PARVA: variants seen among roughly 807,000 people sequenced by gnomAD.
PARVA encodes the protein alpha-parvin.
A neutral mutation model predicts 52.6 loss-of-function variants in PARVA; 25 were observed. The ratio of observed to expected loss-of-function variants is 0.48; its 90% CI spans 0.35 to 0.66. The LOEUF (loss-of-function observed/expected upper bound fraction) is 0.66. Among genes scored for constraint, PARVA ranks in the 30% least tolerant of loss-of-function variants. The probability of loss-of-function intolerance (pLI) is 0.01; values close to 1 mark genes in which losing one functional copy is unlikely to be tolerated. For missense variants in PARVA, 373 were observed against 450.9 expected, an observed-to-expected ratio of 0.83 and a Z score of 1.56; for synonymous variants, 185 against 179.1, an observed-to-expected ratio of 1.03 and a Z score of -0.26.
intron 8 of PARVA, among the ~76,000 whole-genome samples, chr11:12,512,210 G>A (rs1941511394): frequency 6.6e-6 from 1 of 152,158 alleles, no homozygotes; most frequent in African/African-American, 2.4e-5. Context: ...TGCTCTAATT[G>A]TCTCGTGGAA....
intron 1 of PARVA, chr11:12,453,068 G>A (rs751922594): frequency 2.2e-6 from 1 of 455,506 alleles, no homozygotes; most frequent in South Asian, 1.6e-5. Flanking sequence ...ACGTGCTGTG[G>A]TGGGAGCGAT....
intron 5 of PARVA, among the ~76,000 whole-genome samples, chr11:12,502,036 T>C (rs986439479): frequency 6.6e-6 from 1 of 152,198 alleles, no homozygotes; most frequent in African/African-American, 2.4e-5. Flanking sequence ...CCTCTGATGG[T>C]GACCACACCA....
At position 12,383,224 on chromosome 11, in the gene PARVA, G is replaced by A. The variant is rs147046026; in HGVS notation, c.136+5441G>A. Among the ~76,000 whole-genome samples, 335 of 152,144 alleles carry A rather than the reference G, an allele frequency of 2.2e-3. 2 individuals are homozygous for A. Among genetic ancestry groups the A allele is most frequent in the African/African-American group, 7.6e-3 (317 of 41,496 alleles). ...TTCAATTCCATTTCTGTTGGACATG[G>A]CCCTCCTGTGTGGATTCTTTCACTG... On this transcript the variant is annotated intron_variant, in intron 1 of 12. Transcript: ENST00000334956.
At position 12,473,952 on chromosome 11, in the gene PARVA, G is replaced by A. The variant is rs972422207; in HGVS notation, c.266G>A (p.Arg89His). Residue 89 changes from arginine to histidine, a missense_variant, in exon 3 of 13, where the codon CGC becomes CAC. By Grantham distance (29) the Arg-to-His change is conservative (BLOSUM62 0). Coordinates refer to ENST00000334956, the MANE Select transcript of PARVA (RefSeq NM_018222.5). ...CGAACAATGGTGGATCCAAACTCAC[G>A]CAGTGACCCCAAGCTTCAAGAACTG... ...EVRTMVDPNS[R>H]SDPKLQELMK... 7.6e-6 allele frequency: 12 copies of A among 1,582,744 alleles called. No individual in the cohort carries two copies. The highest frequency in any genetic ancestry group is 1.3e-5 in the African/African-American group (1 of 74,350).
At chr11:12,431,576 CCCT>C (rs1405854664) in intron 1 of PARVA, among the ~76,000 whole-genome samples, 2 of 152,250 alleles carry the variant, frequency 1.3e-5, no homozygotes, top group Non-Finnish European at 2.9e-5. Flanking sequence ...CATTCCCACA[CCCT>C]AGGTCTTTTA....
At chr11:12,512,986 C>T (rs961164459) in intron 8 of PARVA, among the ~76,000 whole-genome samples, 1 of 152,158 alleles carries the variant, frequency 6.6e-6, no homozygotes, top group South Asian at 2.1e-4. Flanking sequence ...ACAATAGCTA[C>T]GTTAGGATAT....
intron 12 of PARVA, 82 bp downstream of exon 12, chr11:12,518,599 G>T: frequency 9.6e-7 from 1 of 1,043,054 alleles, no homozygotes; most frequent in Non-Finnish European, 1.5e-6. Flanking sequence ...GTAGCAGAGG[G>T]AAGCATTTTC....
At chr11:12,475,705 G>A (rs1941002562) in intron 3 of PARVA, among the ~76,000 whole-genome samples, 1 of 151,846 alleles carries the variant, frequency 6.6e-6, no homozygotes, top group African/African-American at 2.4e-5. Context: ...GCTGAAGGGA[G>A]TCTGTGCCCT....
At chr11:12,462,613 C>T (rs1190179487) in intron 1 of PARVA, among the ~76,000 whole-genome samples, 1 of 152,172 alleles carries the variant, frequency 6.6e-6, no homozygotes, top group Non-Finnish European at 1.5e-5. Context: ...TGTTATGCCG[C>T]AAAGTTTGTG....
At chr11:12,477,021 G>A (rs771733003) in intron 3 of PARVA, 1 of 152,238 alleles carries the variant, frequency 6.6e-6, no homozygotes, top group Non-Finnish European at 1.5e-5. Flanking sequence ...TACTGGGGAG[G>A]GAACTGTTCT....
chr11:12,511,487 A>C, intron 7 of PARVA, 27 bp from the exon 8 acceptor site: 3 of 1,610,786 alleles, frequency 1.9e-6, no homozygotes, highest in Middle Eastern at 1.7e-4. Flanking sequence ...GAAGAGTCAC[A>C]CTATTTTCTT....
chr11:12,514,914 C>A lies in PARVA; in HGVS notation c.867+849C>A, dbSNP rs752196949. Among the ~76,000 whole-genome samples the A allele has an allele frequency of 7.9e-5, 12 of 152,358 alleles. No individual in the cohort carries two copies. The East Asian group carries it at 2.3e-3, about 29-fold the overall frequency. On this transcript the variant is annotated intron_variant, in intron 10 of 12. Coordinates refer to ENST00000334956, the MANE Select transcript of PARVA (RefSeq NM_018222.5). ...TCATGTCTCTTTAGTCTCTTTTTAA[C>A]GTAGAACAACTCCTCGGCCTTTCTT... is the stretch of plus-strand genomic sequence containing the variant.
At chr11:12,466,235 T>C (rs1940852134) in intron 1 of PARVA, among the ~76,000 whole-genome samples, 1 of 152,214 alleles carries the variant, frequency 6.6e-6, no homozygotes, top group South Asian at 2.1e-4. Context: ...GCAAATATTT[T>C]CTCTCAGTCT....
intron 1 of PARVA, among the ~76,000 whole-genome samples, chr11:12,409,205 G>T (rs1939957435): frequency 6.6e-6 from 1 of 152,134 alleles, no homozygotes; most frequent in South Asian, 2.1e-4. Flanking sequence ...ATTAAGTAAG[G>T]TTATATATAT....
At chr11:12,511,481 A>G (rs1208723236) in intron 7 of PARVA, 33 bp from the exon 8 acceptor site, 2 of 1,608,654 alleles carry the variant, frequency 1.2e-6, no homozygotes, top group Admixed American at 3.4e-5. Flanking sequence ...ACAAGAGAAG[A>G]GTCACACTAT....
intron 4 of PARVA, among the ~76,000 whole-genome samples, chr11:12,492,196 C>T (rs1173317812): frequency 6.6e-6 from 1 of 152,302 alleles, no homozygotes; most frequent in South Asian, 2.1e-4. Context: ...TGCGTCAGAA[C>T]TTTTGACTAC....
rs565806839 is a variant in PARVA at position 12,529,167 on chromosome 11, G to A, written c.*1242G>A. 3 of 152,252 alleles carry A rather than the reference G, an allele frequency of 2.0e-5. No individual in the cohort carries two copies. The highest frequency in any genetic ancestry group is 3.9e-4 in the East Asian group (2 of 5,164). 9.4% of individuals were successfully genotyped at this position (152,252 alleles called of 1,614,324 possible). A position where few individuals can be genotyped will look rare whatever the true frequency, so the allele number is the denominator to read the frequency against. On this transcript the variant is annotated 3_prime_UTR_variant, in exon 13 of 13. Transcript: ENST00000334956. ...CATGTAATTACCGGCTAATTCAAGCGAGGAAAAATGTAAGTCATTTAGACC... is the reference window on the plus strand; with the variant it reads ...CATGTAATTACCGGCTAATTCAAGCAAGGAAAAATGTAAGTCATTTAGACC...
At chr11:12,514,257 A>G (rs912691117) in intron 10 of PARVA, among the ~76,000 whole-genome samples, 192 bp downstream of exon 10, 2 of 152,184 alleles carry the variant, frequency 1.3e-5, no homozygotes, top group African/African-American at 2.4e-5. Flanking sequence ...AAATTACAAG[A>G]ATGAATACTC....
intron 1 of PARVA, among the ~76,000 whole-genome samples, chr11:12,449,268 CTCA>C: frequency 6.6e-6 from 1 of 152,226 alleles, no homozygotes; most frequent in East Asian, 1.9e-4. Context: ...ATTCTCCCGC[CTCA>C]GCCTCCCTCC....
Sources: allele counts gnomAD v4.1 joint callset (sites outside exome capture counted in the v4.1 genomes callset), GRCh38; gene constraint gnomAD v4.1.1; transcripts MANE v1.5; gene names NCBI Gene and HGNC (gene_info 2026-07-23, HGNC 2026-07-21).